WDR17: variants seen among roughly 807,000 people sequenced by gnomAD.
WDR17 encodes the protein WD repeat domain 17.
In WDR17, 143 loss-of-function variants were observed where a neutral mutation model predicts 161.7. That is an observed-to-expected ratio of 0.88 (90% CI 0.77 to 1.02). WDR17 has a LOEUF of 1.02. Among genes scored for constraint, WDR17 ranks in the 50% least tolerant of loss-of-function variants. The pLI is 0.00. For missense variants in WDR17, 1,469 were observed against 1,520.9 expected (o/e 0.97, Z 0.57); for synonymous variants, 517 against 515.6 (o/e 1.00, Z -0.04).
chr4:176,105,381 A>G (rs7658056), intron 1 of WDR17, among the ~76,000 whole-genome samples: 55,413 of 151,884 alleles, frequency 0.36, 10,343 homozygotes, highest in East Asian at 0.42. Context: ...TCTAACAGAC[A>G]TATACAGAAC....
At chr4:176,129,866 G>A (rs900643600) in intron 6 of WDR17, among the ~76,000 whole-genome samples, 4 of 149,012 alleles carry the variant, frequency 2.7e-5, no homozygotes, top group Non-Finnish European at 4.6e-5. Context: ...ACTGTTTAGG[G>A]ATGTTGGAAT....
intron 4 of WDR17, 35 bp downstream of exon 4, chr4:176,120,132 A>ATATTTT: frequency 1.3e-6 from 2 of 1,503,892 alleles, no homozygotes; most frequent in Non-Finnish European, 1.8e-6. Context: ...CTTAAATAGT[A>ATATTTT]TATTTTTCTT....
chr4:176,137,635 AATAAT>A (rs1744628462), intron 9 of WDR17, 24 bp downstream of exon 9: 1 of 1,398,020 alleles, frequency 7.2e-7, no homozygotes, highest in African/African-American at 1.4e-5. Context: ...ATTGCTACTG[AATAAT>A]ATAATGTTTT....
intron 1 of WDR17, among the ~76,000 whole-genome samples, chr4:176,078,033 G>A (rs868171507): frequency 1.2e-4 from 18 of 151,980 alleles, no homozygotes; most frequent in African/African-American, 3.6e-4. Context: ...AGAATGATAC[G>A]TTGTGCACTC....
chr4:176,131,505 T>G (rs1178127278), intron 6 of WDR17, 49 bp from the exon 7 acceptor site: 2 of 1,488,914 alleles, frequency 1.3e-6, no homozygotes. Flanking sequence ...CTTTCTAAAT[T>G]AAGCTCTGTG....
chr4:176,087,257 T>C (rs1174713561), intron 1 of WDR17, among the ~76,000 whole-genome samples: 1 of 152,050 alleles, frequency 6.6e-6, no homozygotes, highest in African/African-American at 2.4e-5. Context: ...TAGGTTTTGT[T>C]TGTATGAAAA....
At chr4:176,103,953 A>G (rs1452398982) in intron 1 of WDR17, among the ~76,000 whole-genome samples, 1 of 152,172 alleles carries the variant, frequency 6.6e-6, no homozygotes, top group Non-Finnish European at 1.5e-5. Flanking sequence ...TGAAATAGAC[A>G]CACATGGAGA....
Position 176,151,891 on chromosome 4 carries a change from T to G in WDR17, c.2384T>G (p.Leu795Arg), listed in dbSNP as rs774774416. The change falls in exon 17 of 29, where the codon CTG becomes CGG. Residue 795 changes from leucine (L) to arginine (R), a missense_variant. Physicochemically the swap from Leu to Arg is moderately radical, Grantham distance 102 (BLOSUM62 -2). Coordinates refer to ENST00000508596, the MANE Select transcript of WDR17 (RefSeq NM_181265.4). Reference sequence around the variant, plus strand: ...GGTGTACCTGCTAAAGAGGAAAGACTGAAGGAAGCTGCTGAAATCCACTTG... The same window carrying G: ...GGTGTACCTGCTAAAGAGGAAAGACGGAAGGAAGCTGCTGAAATCCACTTG... ...GIGVPAKEER[L>R]KEAAEIHLRL... The G allele has an allele frequency of 6.2e-7, 1 of 1,613,466 alleles. No homozygotes were observed. The highest frequency in any genetic ancestry group is 8.5e-7 in the Non-Finnish European group (1 of 1,179,770).
At chr4:176,085,384 G>C (rs1250437621) in intron 1 of WDR17, among the ~76,000 whole-genome samples, 1 of 152,038 alleles carries the variant, frequency 6.6e-6, no homozygotes, top group Admixed American at 6.6e-5. Flanking sequence ...AAGAGTTTAT[G>C]TAACATTTCT....
At chr4:176,179,384 T>C in intron 28 of WDR17, 76 bp from the exon 29 acceptor site, 1 of 1,323,646 alleles carries the variant, frequency 7.6e-7, no homozygotes, top group Non-Finnish European at 9.9e-7. Flanking sequence ...ATTGCAGTGA[T>C]TCTCTTTCTG....
intron 4 of WDR17, among the ~76,000 whole-genome samples, chr4:176,123,799 G>A (rs1342647682): frequency 6.6e-6 from 1 of 152,144 alleles, no homozygotes; most frequent in Non-Finnish European, 1.5e-5. Context: ...GGCCCTTGGC[G>A]ATCAGCCTAA....
At chr4:176,102,114 C>G (rs1232504189) in intron 1 of WDR17, among the ~76,000 whole-genome samples, 1 of 152,076 alleles carries the variant, frequency 6.6e-6, no homozygotes, top group Non-Finnish European at 1.5e-5. Context: ...TGCACATCTG[C>G]TAAAGATCTG....
In WDR17 at chr4:176,142,071, T is replaced by C; in HGVS notation, c.1529+2T>C. ...TTGTGATTGGAGCCAAAACAATAAGTAAGTGGTTTTTTTTCCTGAAATAAA... is the reference window on the plus strand; with the variant it reads ...TTGTGATTGGAGCCAAAACAATAAGCAAGTGGTTTTTTTTCCTGAAATAAA... On this transcript the variant is annotated splice_donor_variant, in intron 11 of 28. Coordinates refer to ENST00000508596, the MANE Select transcript of WDR17 (RefSeq NM_181265.4). LOFTEE classifies it high-confidence loss of function. The C allele has an allele frequency of 6.2e-7, 1 of 1,606,626 alleles. No homozygotes were observed. Among genetic ancestry groups the C allele is most frequent in the Non-Finnish European group, 8.5e-7 (1 of 1,176,804 alleles).
chr4:176,067,942 A>C (rs1027050455), intron 1 of WDR17, among the ~76,000 whole-genome samples: 8 of 152,250 alleles, frequency 5.3e-5, no homozygotes, highest in African/African-American at 1.2e-4. Flanking sequence ...AATTCTCCAG[A>C]GTACCTGATT....
rs1333010959 is a variant in WDR17, at chr4:176,150,352, G to A, written c.2179-116G>A. The A allele has an allele frequency of 3.5e-6, 5 of 1,441,432 alleles. No homozygotes were observed. The African/African-American group carries it at 7.1e-5, about 21-fold the overall frequency. The allele number at this position is 1,441,432 out of a possible 1,614,324, so 89.3% of individuals were successfully genotyped here. A position where few individuals can be genotyped will look rare whatever the true frequency, so the allele number is the denominator to read the frequency against. ...GAAACAATACATGAGATAACATGTA[G>A]TTATTTTGTTAATTTTTAAATTTAG... On this transcript the variant is annotated intron_variant, in intron 15 of 28. Transcript: ENST00000508596.
intron 1 of WDR17, chr4:176,096,705 C>T (rs946136678): frequency 1.6e-5 from 11 of 669,068 alleles, no homozygotes; most frequent in Non-Finnish European, 2.4e-5. Context: ...AAGTTCTGAG[C>T]GTGAATAAGA....
chr4:176,158,146 G>T (rs1448883204), intron 18 of WDR17, among the ~76,000 whole-genome samples: 1 of 152,196 alleles, frequency 6.6e-6, no homozygotes, highest in African/African-American at 2.4e-5. Flanking sequence ...GGTAGAAAGT[G>T]ATGTGATCAA....
rs571670105 is a variant in WDR17, at chr4:176,139,106, G to T, written c.1360-786G>T. Among the ~76,000 whole-genome samples the T allele has an allele frequency of 3.3e-5, 5 of 151,872 alleles. No homozygotes were observed. The East Asian group carries it at 9.7e-4, about 29-fold the overall frequency. The stretch of plus-strand genomic sequence containing the variant: ...AACAGCAAACTGGAGATTGCTTTAA[G>T]AAGTTAAAACTATATTTACACAGCA... On this transcript the variant is annotated intron_variant, in intron 9 of 28. Coordinates refer to ENST00000508596, the MANE Select transcript of WDR17 (RefSeq NM_181265.4).
chr4:176,123,841 G>C (rs1198225143), intron 4 of WDR17, among the ~76,000 whole-genome samples: 3 of 152,150 alleles, frequency 2.0e-5, no homozygotes, highest in African/African-American at 7.2e-5. Flanking sequence ...CTGGACATTG[G>C]GGGATGAGGC....
Sources: gnomAD v4.1 joint callset for allele counts (sites outside exome capture counted in the v4.1 genomes callset) on GRCh38, gnomAD v4.1.1 for gene constraint, MANE v1.5 for transcripts, NCBI Gene and HGNC (gene_info 2026-07-23, HGNC 2026-07-21) for gene names.